The following KCTD8 variants were observed in gnomAD, a reference collection of about 807,000 sequenced individuals.
KCTD8 encodes the protein potassium channel tetramerization domain containing 8, also known as BTB/POZ domain-containing protein KCTD8.
A neutral mutation model predicts 31.5 loss-of-function variants in KCTD8; 27 were observed. That is an observed-to-expected ratio of 0.86 (90% CI 0.63 to 1.18). The LOEUF is 1.18. KCTD8 is among the 50% of genes most tolerant of loss of function. The pLI is 0.00. For missense variants in KCTD8, 658 were observed against 647.7 expected (o/e 1.02, Z -0.17); for synonymous variants, 290 against 280.0 (o/e 1.04, Z -0.36).
At chr4:44,421,275 T>C (rs1721204032) in intron 1 of KCTD8, among the ~76,000 whole-genome samples, 1 of 152,130 alleles carries the variant, frequency 6.6e-6, no homozygotes, top group Admixed American at 6.5e-5. Context: ...GAAAATTTTA[T>C]CATTTTCTTT....
intron 1 of KCTD8, among the ~76,000 whole-genome samples, chr4:44,379,453 C>T (rs1720003529): frequency 6.6e-6 from 1 of 152,054 alleles, no homozygotes; most frequent in African/African-American, 2.4e-5. Context: ...AAGATTAAAA[C>T]TGTATATACT....
intron 1 of KCTD8, among the ~76,000 whole-genome samples, chr4:44,262,283 A>G (rs1293142086): frequency 6.6e-6 from 1 of 152,008 alleles, no homozygotes; most frequent in Non-Finnish European, 1.5e-5. Context: ...ATGAGGAAAT[A>G]GATATTTCAA....
At chr4:44,266,808 T>G (rs1309036761) in intron 1 of KCTD8, among the ~76,000 whole-genome samples, 1 of 152,086 alleles carries the variant, frequency 6.6e-6, no homozygotes, top group African/African-American at 2.4e-5. Flanking sequence ...GGCCATTACA[T>G]AATGGTAAAG....
intron 1 of KCTD8, among the ~76,000 whole-genome samples, chr4:44,219,512 T>G (rs1022081238): frequency 2.2e-4 from 33 of 152,112 alleles, no homozygotes; most frequent in African/African-American, 8.0e-4. Flanking sequence ...AAGAATGCCA[T>G]GTGAAGATAG....
intron 1 of KCTD8, among the ~76,000 whole-genome samples, chr4:44,265,302 G>A (rs1316077854): frequency 6.6e-6 from 1 of 152,126 alleles, no homozygotes; most frequent in African/African-American, 2.4e-5. Flanking sequence ...TGGACCTCTA[G>A]CAAACTCCAA....
chr4:44,180,953 A>G (rs1713364723), intron 1 of KCTD8, among the ~76,000 whole-genome samples: 1 of 152,178 alleles, frequency 6.6e-6, no homozygotes, highest in Non-Finnish European at 1.5e-5. Flanking sequence ...ATGGTATTTC[A>G]AAGAATTTTA....
intron 1 of KCTD8, among the ~76,000 whole-genome samples, chr4:44,428,337 T>C (rs1423690232): frequency 1.3e-5 from 2 of 151,708 alleles, no homozygotes; most frequent in Non-Finnish European, 3.0e-5. Context: ...ATGACCTCTA[T>C]AGAAAACAAT....
intron 1 of KCTD8, among the ~76,000 whole-genome samples, chr4:44,235,651 G>C (rs1002019989): frequency 6.8e-6 from 1 of 146,172 alleles, no homozygotes; most frequent in Non-Finnish European, 1.5e-5. Flanking sequence ...GCAGCTTTCA[G>C]TCTACTAATA....
chr4:44,397,169 A>C (rs552012344), intron 1 of KCTD8, among the ~76,000 whole-genome samples: 2 of 152,196 alleles, frequency 1.3e-5, no homozygotes, highest in African/African-American at 4.8e-5. Flanking sequence ...TAACATAAAG[A>C]TACCATGCCT....
At chr4:44,267,160 C>A (rs564283076) in intron 1 of KCTD8, among the ~76,000 whole-genome samples, 140 of 152,236 alleles carry the variant, frequency 9.2e-4, no homozygotes, top group African/African-American at 3.2e-3. Flanking sequence ...CTCTCCTCAG[C>A]AAATGTAAAA....
intron 1 of KCTD8, among the ~76,000 whole-genome samples, chr4:44,185,798 A>C (rs1713568232): frequency 6.6e-6 from 1 of 151,208 alleles, no homozygotes; most frequent in Admixed American, 6.6e-5. Context: ...ATCTCAAGGT[A>C]CTGAGCCTAT....
At chr4:44,223,786 C>A (rs537424897) in intron 1 of KCTD8, among the ~76,000 whole-genome samples, 1 of 152,250 alleles carries the variant, frequency 6.6e-6, no homozygotes, top group South Asian at 2.1e-4. Flanking sequence ...GCTGCAGGAG[C>A]AAACTTAAGC....
intron 1 of KCTD8, among the ~76,000 whole-genome samples, chr4:44,295,056 C>A (rs745561558): frequency 2.0e-4 from 31 of 151,958 alleles, no homozygotes; most frequent in Non-Finnish European, 2.9e-4. Flanking sequence ...ACTTTGGGAG[C>A]CTGAGGCAGG....
chr4:44,399,853 A>G lies in KCTD8; in HGVS notation c.961+47710T>C, dbSNP rs191108260. ...CAATTCCAATAGGGATAAATATTAT[A>G]CCAAACATCTACTGTAAAGGGTATT... On this transcript the variant is annotated intron_variant, in intron 1 of 1. Transcript: ENST00000360029. Among the ~76,000 whole-genome samples, 477 of 152,286 alleles carry G rather than the reference A, an allele frequency of 3.1e-3. 2 individuals carry two copies. The highest frequency in any genetic ancestry group is 0.011 in the African/African-American group (456 of 41,564).
At chr4:44,386,530 A>C (rs1045267135) in intron 1 of KCTD8, among the ~76,000 whole-genome samples, 2 of 151,634 alleles carry the variant, frequency 1.3e-5, no homozygotes, top group African/African-American at 4.8e-5. Flanking sequence ...GAGAAATTCA[A>C]ATTAAAACTA....
intron 1 of KCTD8, among the ~76,000 whole-genome samples, chr4:44,330,238 T>C (rs1718562173): frequency 6.6e-6 from 1 of 151,954 alleles, no homozygotes; most frequent in Non-Finnish European, 1.5e-5. Context: ...ATGTGGGTCA[T>C]ACCTCAGGTG....
chr4:44,256,293 T>C (rs895025399), intron 1 of KCTD8, among the ~76,000 whole-genome samples: 2 of 151,638 alleles, frequency 1.3e-5, no homozygotes, highest in Non-Finnish European at 2.9e-5. Flanking sequence ...CAAAGGAAAA[T>C]GAGAAAGCAT....
At position 44,382,662 on chromosome 4, in the gene KCTD8, G is replaced by A. The variant is rs148734267; in HGVS notation, c.961+64901C>T. ...GAAGAATCGTTTGAACTCGGGAGGTGGAGGTTGCAGTGAGTTGAAATTGCA... is the reference window on the plus strand; with the variant it reads ...GAAGAATCGTTTGAACTCGGGAGGTAGAGGTTGCAGTGAGTTGAAATTGCA... On this transcript the variant is annotated intron_variant, in intron 1 of 1. Coordinates refer to ENST00000360029, the MANE Select transcript of KCTD8 (RefSeq NM_198353.3). Among the ~76,000 whole-genome samples the A allele has an allele frequency of 4.4e-3, 667 of 151,780 alleles. 10 individuals carry two copies. The highest frequency in any genetic ancestry group is 0.016 in the African/African-American group (648 of 41,390).
chr4:44,390,263 T>C (rs1720333570), intron 1 of KCTD8, among the ~76,000 whole-genome samples: 1 of 152,040 alleles, frequency 6.6e-6, no homozygotes, highest in African/African-American at 2.4e-5. Context: ...ACTTTTATGG[T>C]TTCAGTTCTT....
Sources: allele counts gnomAD v4.1 joint callset (sites outside exome capture counted in the v4.1 genomes callset), GRCh38; gene constraint gnomAD v4.1.1; transcripts MANE v1.5; gene names NCBI Gene and HGNC (gene_info 2026-07-23, HGNC 2026-07-21).